ADGRL3: variants seen among roughly 807,000 people sequenced by gnomAD.
ADGRL3 encodes calcium-independent alpha-latrotoxin receptor 3.
A neutral mutation model predicts 153.5 loss-of-function variants in ADGRL3; 62 were observed. The ratio of observed to expected loss-of-function variants is 0.40; its 90% confidence interval spans 0.33 to 0.50. The LOEUF is 0.50. Among genes scored for constraint, ADGRL3 ranks in the 20% least tolerant of loss-of-function variants. ADGRL3 has a pLI of 0.47. For missense variants in ADGRL3, 1,641 were observed against 1,859.4 expected, an observed-to-expected ratio of 0.88 and a Z score of 2.16; for synonymous variants, 710 against 672.5, an observed-to-expected ratio of 1.06 and a Z score of -0.86.
At chr4:61,429,481 A>G (rs2097328929) in intron 2 of ADGRL3, among the ~76,000 whole-genome samples, 1 of 152,124 alleles carries the variant, frequency 6.6e-6, no homozygotes, top group South Asian at 2.1e-4. Context: ...TTATATCCCA[A>G]AGAACTACAA....
intron 3 of ADGRL3, among the ~76,000 whole-genome samples, chr4:61,500,613 T>C (rs1236651825): frequency 6.6e-6 from 1 of 152,112 alleles, no homozygotes; most frequent in African/African-American, 2.4e-5. Context: ...CTACTGTTAT[T>C]GAGATGTCCA....
chr4:61,656,835 A>G (rs2094454949), intron 5 of ADGRL3, among the ~76,000 whole-genome samples: 2 of 152,126 alleles, frequency 1.3e-5, no homozygotes, highest in Admixed American at 1.3e-4. Context: ...GTCAATTTAA[A>G]CATTTTAGAT....
At chr4:61,256,607 G>GTT (rs1271165878) in intron 1 of ADGRL3, among the ~76,000 whole-genome samples, 75 of 152,254 alleles carry the variant, frequency 4.9e-4, no homozygotes, top group African/African-American at 1.8e-3. Context: ...GTGTGAAGAA[G>GTT]TATTGTGAGT....
intron 2 of ADGRL3, among the ~76,000 whole-genome samples, chr4:61,426,161 C>T (rs1400228722): frequency 1.3e-5 from 2 of 152,254 alleles, no homozygotes; most frequent in African/African-American, 4.8e-5. Flanking sequence ...TGCCACATGG[C>T]GTGGCTCCAA....
intron 2 of ADGRL3, among the ~76,000 whole-genome samples, chr4:61,431,528 C>A (rs541998581): frequency 1.0e-3 from 157 of 152,276 alleles, no homozygotes; most frequent in Non-Finnish European, 2.0e-3. Flanking sequence ...TTAAACTGTT[C>A]TAAATATTTT....
chr4:61,756,922 T>G (rs1251048967), intron 8 of ADGRL3, among the ~76,000 whole-genome samples: 1 of 152,204 alleles, frequency 6.6e-6, no homozygotes, highest in Non-Finnish European at 1.5e-5. Flanking sequence ...TGGATTACGT[T>G]TATTGATTTG....
In ADGRL3 at chr4:61,446,606, G is replaced by T. The variant is rs191975190; in HGVS notation, c.-173-50515G>T. 3.2e-4 allele frequency among the ~76,000 whole-genome samples: 48 copies of T among 152,230 alleles called. No homozygotes were observed. In the East Asian group the frequency reaches 8.3e-3, roughly 26 times the overall value. On this transcript the variant is annotated intron_variant, in intron 2 of 26. Coordinates refer to ENST00000683033, the MANE Select transcript of ADGRL3 (RefSeq NM_001387552.1). The stretch of plus-strand genomic sequence containing the variant: ...TGTCTGGCGCCATGTTGCCTTGATT[G>T]TCCAGGTGCAATTGAATAAATAAAG...
At chr4:61,742,215 C>T (rs2096589197) in intron 8 of ADGRL3, among the ~76,000 whole-genome samples, 1 of 152,118 alleles carries the variant, frequency 6.6e-6, no homozygotes, top group African/African-American at 2.4e-5. Flanking sequence ...ATAGCCAAGT[C>T]AGACATATGC....
intron 1 of ADGRL3, among the ~76,000 whole-genome samples, chr4:61,205,718 C>T (rs1011605540): frequency 2.0e-5 from 3 of 152,118 alleles, no homozygotes; most frequent in East Asian, 1.9e-4. Flanking sequence ...CCTTGGTTAT[C>T]TTTCTGTGTT....
chr4:61,539,731 G>A (rs1469497536), intron 4 of ADGRL3, among the ~76,000 whole-genome samples: 1 of 152,104 alleles, frequency 6.6e-6, no homozygotes, highest in Non-Finnish European at 1.5e-5. Context: ...GTGTTGCCCA[G>A]GGTCACAAAG....
intron 8 of ADGRL3, among the ~76,000 whole-genome samples, chr4:61,779,057 C>CA (rs768930407): frequency 0.11 from 12,226 of 107,830 alleles, 1,226 homozygotes; most frequent in African/African-American, 0.3. Context: ...GACTCTGTCT[C>CA]AAAAAAAAAA....
intron 8 of ADGRL3, among the ~76,000 whole-genome samples, chr4:61,736,441 G>A (rs1399418191): frequency 1.3e-5 from 2 of 152,176 alleles, no homozygotes; most frequent in East Asian, 3.9e-4. Flanking sequence ...ATCACTTGAG[G>A]TCAGGAGTTC....
chr4:61,856,978 T>TTC (rs2098278120), intron 9 of ADGRL3, among the ~76,000 whole-genome samples: 1 of 126,752 alleles, frequency 7.9e-6, no homozygotes, highest in Non-Finnish European at 1.7e-5. Context: ...CTTTCTTTCT[T>TTC]TCTTTCTTTC....
In ADGRL3 at chr4:61,587,443, A is replaced by G; in HGVS notation, c.473+3A>G. 2 of 1,592,552 alleles carry G rather than the reference A, an allele frequency of 1.3e-6. No homozygotes were observed. The highest frequency in any genetic ancestry group is 1.7e-6 in the Non-Finnish European group (2 of 1,161,988). On this transcript the variant is annotated splice_donor_region_variant and intron_variant, in intron 5 of 26. Transcript: ENST00000683033. ...GCCTATAAGATTATGTCTCAAAGGT[A>G]TGATACTTCTAATATTCTTTTCTTT...
chr4:61,204,643 G>A (rs1458632722), intron 1 of ADGRL3, among the ~76,000 whole-genome samples: 1 of 152,164 alleles, frequency 6.6e-6, no homozygotes, highest in Non-Finnish European at 1.5e-5. Context: ...TTATCACTAA[G>A]TATTCAGTAA....
At chr4:61,561,309 G>A (rs915197014) in intron 4 of ADGRL3, among the ~76,000 whole-genome samples, 26 of 152,290 alleles carry the variant, frequency 1.7e-4, no homozygotes, top group African/African-American at 6.0e-4. Context: ...GACAATTGTT[G>A]AGAAAGTAAT....
rs568380896 is a variant in ADGRL3, at chr4:61,436,551, A to G, written c.-174+53362A>G. 2.4e-4 allele frequency among the ~76,000 whole-genome samples: 37 copies of G among 152,306 alleles called. 1 individual carries two copies. Among genetic ancestry groups the G allele is most frequent in the Middle Eastern group, 3.4e-3 (1 of 294 alleles). On this transcript the variant is annotated intron_variant, in intron 2 of 26. Transcript: ENST00000683033. ...TTCCTTAAGAGATATGTGAACAAGGAGCATTGCTGACATATACGTGAGCAA... is the reference window on the plus strand; with the variant it reads ...TTCCTTAAGAGATATGTGAACAAGGGGCATTGCTGACATATACGTGAGCAA...
intron 2 of ADGRL3, among the ~76,000 whole-genome samples, chr4:61,451,917 G>A (rs2097679441): frequency 6.6e-6 from 1 of 152,174 alleles, no homozygotes; most frequent in Non-Finnish European, 1.5e-5. Context: ...AAGGGCTTTT[G>A]CTACAATTGA....
chr4:61,773,600 C>T (rs914652455), intron 8 of ADGRL3, among the ~76,000 whole-genome samples: 2 of 152,082 alleles, frequency 1.3e-5, no homozygotes, highest in African/African-American at 4.8e-5. Flanking sequence ...GCTTATTAAA[C>T]AATTCTTGAT....
Sources: gnomAD v4.1 joint callset for allele counts (sites outside exome capture counted in the v4.1 genomes callset) on GRCh38, gnomAD v4.1.1 for gene constraint, MANE v1.5 for transcripts, NCBI Gene and HGNC (gene_info 2026-07-23, HGNC 2026-07-21) for gene names.